BFAR: variants seen among roughly 807,000 people sequenced by gnomAD.
The protein encoded by BFAR is RING finger protein 47.
Under a neutral mutation model 54.4 loss-of-function variants are expected in BFAR, and 52 were observed. The ratio of observed to expected loss-of-function variants is 0.96; its 90% confidence interval spans 0.77 to 1.21. BFAR has a LOEUF of 1.21. Ranked by LOEUF, BFAR falls within the 50% of genes most tolerant of loss-of-function variation. BFAR has a pLI of 0.00. For synonymous variants in BFAR, 215 were observed against 204.3 expected, an observed-to-expected ratio of 1.05 and a Z score of -0.45; for missense variants, 571 against 534.0, an observed-to-expected ratio of 1.07 and a Z score of -0.68.
At chr16:14,641,101 GAACTAAGTAATTA>G (rs1959610768) in intron 1 of BFAR, among the ~76,000 whole-genome samples, 1 of 152,140 alleles carries the variant, frequency 6.6e-6, no homozygotes, top group Non-Finnish European at 1.5e-5. Flanking sequence ...ATTCGTTTTT[GAACTAAGTAATTA>G]TTGCTTCTCG....
At chr16:14,660,409 C>T (rs111333319) in intron 5 of BFAR, among the ~76,000 whole-genome samples, 20 of 152,010 alleles carry the variant, frequency 1.3e-4, no homozygotes, top group South Asian at 1.0e-3. Context: ...GTCTCAGCCT[C>T]CCGAGTAGCT....
chr16:14,663,169 T>C (rs1960340291), intron 6 of BFAR, among the ~76,000 whole-genome samples: 2 of 152,206 alleles, frequency 1.3e-5, no homozygotes, highest in South Asian at 2.1e-4. Context: ...TTTACTTCTT[T>C]CTTTGGAGGC....
rs190581767 is a variant in BFAR, at chr16:14,660,018, A to G, written c.784-1874A>G. ...ACACCTACTTAAAGTGTACGATGTG[A>G]TAAGTTTTCACATATGCACACCCAT... On this transcript the variant is annotated intron_variant, in intron 5 of 7. Coordinates refer to ENST00000261658, the MANE Select transcript of BFAR (RefSeq NM_016561.3). 3.3e-3 allele frequency among the ~76,000 whole-genome samples: 502 copies of G among 152,322 alleles called. 4 individuals carry two copies. The highest frequency in any genetic ancestry group is 7.5e-3 in the South Asian group (36 of 4,830).
intron 1 of BFAR, among the ~76,000 whole-genome samples, chr16:14,641,734 G>C (rs1959634161): frequency 6.6e-6 from 1 of 151,922 alleles, no homozygotes; most frequent in South Asian, 2.1e-4. Flanking sequence ...GGTGGTGCCT[G>C]CCTGTAATCC....
At position 14,658,777 on chromosome 16, in the gene BFAR, C is replaced by A. The variant is rs1421173683; in HGVS notation, c.784-3115C>A. Among the ~76,000 whole-genome samples, 3 of 152,102 alleles carry A rather than the reference C, an allele frequency of 2.0e-5. No homozygotes were observed. The East Asian group carries it at 5.8e-4, about 29-fold the overall frequency. On this transcript the variant is annotated intron_variant, in intron 5 of 7. Transcript: ENST00000261658. ...CTTAATGAGGGCTCCCTTACCCTCA[C>A]TATCTGCCTAAGTAACTTCTTCTTC...
Position 14,659,251 on chromosome 16 carries a change from G to GTT in BFAR, c.784-2633_784-2632dup, listed in dbSNP as rs1032626605. Among the ~76,000 whole-genome samples, 1,153 of 140,500 alleles carry GTT rather than the reference G, an allele frequency of 8.2e-3. 11 individuals are homozygous for GTT. Among genetic ancestry groups the GTT allele is most frequent in the African/African-American group, 0.028 (1,071 of 38,004 alleles). The allele number at this position is 140,500 out of a possible 152,430, so 92.2% of individuals were successfully genotyped here. ...TTTTTTTTGTTTTTTTTTGTTTTTT[G>GTT]TTTTTTTTTGAAACAGAGTCTCGCT... On this transcript the variant is annotated intron_variant, in intron 5 of 7. Coordinates refer to ENST00000261658, the MANE Select transcript of BFAR (RefSeq NM_016561.3).
chr16:14,637,547 A>C (rs1415677167), intron 1 of BFAR, among the ~76,000 whole-genome samples: 1 of 152,224 alleles, frequency 6.6e-6, no homozygotes, highest in Non-Finnish European at 1.5e-5. Context: ...AAATATTAAT[A>C]ATTGTCGCGG....
chr16:14,661,816 G>A (rs1392492809), intron 5 of BFAR, 76 bp from the exon 6 acceptor site: 4 of 1,519,158 alleles, frequency 2.6e-6, no homozygotes, highest in South Asian at 2.3e-5. Flanking sequence ...GGCAACAAGC[G>A]AGAGATGGGA....
At chr16:14,639,651 A>C (rs776822539) in intron 1 of BFAR, among the ~76,000 whole-genome samples, 3 of 152,196 alleles carry the variant, frequency 2.0e-5, no homozygotes, top group Non-Finnish European at 4.4e-5. Context: ...TACATGCATC[A>C]TTGGGAGATT....
At chr16:14,646,051 G>GTTTGTTT (rs889536394) in intron 2 of BFAR, among the ~76,000 whole-genome samples, 6 of 151,658 alleles carry the variant, frequency 4.0e-5, no homozygotes, top group Admixed American at 3.3e-4. Flanking sequence ...GGGTTTTTTT[G>GTTTGTTT]TTTGTTTTTT....
intron 6 of BFAR, among the ~76,000 whole-genome samples, chr16:14,664,415 T>C (rs986521350): frequency 6.7e-6 from 1 of 149,876 alleles, no homozygotes; most frequent in African/African-American, 2.5e-5. Context: ...AAAAAACAAT[T>C]ACAAGATGAG....
chr16:14,643,428 A>AC (rs1959687291), intron 1 of BFAR, among the ~76,000 whole-genome samples: 2 of 152,230 alleles, frequency 1.3e-5, no homozygotes, highest in Non-Finnish European at 2.9e-5. Flanking sequence ...GAGTCTATGG[A>AC]ACCTTCCACT....
Position 14,668,182 on chromosome 16 carries a change from T to A in BFAR, c.*355T>A. 4.1e-6 allele frequency: 1 copy of A among 246,692 alleles called. No homozygotes were observed. The highest frequency in any genetic ancestry group is 7.8e-6 in the Non-Finnish European group (1 of 128,006). The allele number at this position is 246,692 out of a possible 1,614,324, so 15.3% of individuals were successfully genotyped here. On this transcript the variant is annotated 3_prime_UTR_variant, in exon 8 of 8. Coordinates refer to ENST00000261658, the MANE Select transcript of BFAR (RefSeq NM_016561.3). ...TCAGAAGGGTGCCACATCAGTCCCCTCCCCAACCTCAGTGACTGACAGAGG... is the reference window on the plus strand; with the variant it reads ...TCAGAAGGGTGCCACATCAGTCCCCACCCCAACCTCAGTGACTGACAGAGG...
chr16:14,659,783 C>T (rs1960239354), intron 5 of BFAR, among the ~76,000 whole-genome samples: 1 of 151,924 alleles, frequency 6.6e-6, no homozygotes, highest in South Asian at 2.1e-4. Flanking sequence ...ATCTCCTGAC[C>T]TCAGGTGATC....
chr16:14,651,999 G>T lies in BFAR; in HGVS notation c.638+2026G>T, dbSNP rs1480136295. ...CCTCCTGGGTTCAAGCGATTCTCCT[G>T]CCTCAGCCTCCCGAGTAGCTGGCAC... On this transcript the variant is annotated intron_variant, in intron 4 of 7. Coordinates refer to ENST00000261658, the MANE Select transcript of BFAR (RefSeq NM_016561.3). Among the ~76,000 whole-genome samples the T allele has an allele frequency of 1.0e-4, 15 of 147,950 alleles. No individual in the cohort carries two copies. The Admixed American group carries it at 1.0e-3, about 10-fold the overall frequency.
At position 14,659,244 on chromosome 16, in the gene BFAR, G is replaced by GTTTT. The variant is rs1404121780; in HGVS notation, c.784-2645_784-2642dup. On this transcript the variant is annotated intron_variant, in intron 5 of 7. Coordinates refer to ENST00000261658, the MANE Select transcript of BFAR (RefSeq NM_016561.3). ...AATTTGGTTTTTTTTGTTTTTTTTT[G>GTTTT]TTTTTTGTTTTTTTTTGAAACAGAG... is the stretch of plus-strand genomic sequence containing the variant. Among the ~76,000 whole-genome samples, 812 of 141,200 alleles carry GTTTT rather than the reference G, an allele frequency of 5.8e-3. 9 individuals carry two copies. Among genetic ancestry groups the GTTTT allele is most frequent in the Non-Finnish European group, 9.3e-3 (607 of 65,334 alleles). The allele number at this position is 141,200 out of a possible 152,430, so 92.6% of individuals were successfully genotyped here.
chr16:14,643,428 A>G (rs1356624029), intron 1 of BFAR, among the ~76,000 whole-genome samples: 3 of 152,230 alleles, frequency 2.0e-5, no homozygotes, highest in Non-Finnish European at 2.9e-5. Flanking sequence ...GAGTCTATGG[A>G]ACCTTCCACT....
At chr16:14,664,459 ATG>A (rs149568321) in intron 6 of BFAR, among the ~76,000 whole-genome samples, 1 of 149,030 alleles carries the variant, frequency 6.7e-6, no homozygotes, top group Non-Finnish European at 1.5e-5. Context: ...AGATTGTTGG[ATG>A]TGTGTGTGTG....
At chr16:14,639,404 T>G (rs1302423031) in intron 1 of BFAR, among the ~76,000 whole-genome samples, 1 of 151,902 alleles carries the variant, frequency 6.6e-6, no homozygotes. Flanking sequence ...ACGTCCTGGG[T>G]GCAAATGATT....
Sources: allele counts gnomAD v4.1 joint callset (sites outside exome capture counted in the v4.1 genomes callset), GRCh38; gene constraint gnomAD v4.1.1; transcripts MANE v1.5; gene names NCBI Gene and HGNC (gene_info 2026-07-23, HGNC 2026-07-21).